The following SEMA3A variants were observed in gnomAD, a reference collection of about 807,000 sequenced individuals.
The protein encoded by SEMA3A is semaphorin-3A.
A neutral mutation model predicts 97.9 loss-of-function variants in SEMA3A; 29 were observed. That is an observed-to-expected ratio of 0.30 (90% CI 0.22 to 0.40). The LOEUF (loss-of-function observed/expected upper bound fraction) is 0.40, where lower values mean the gene tolerates loss of function less well. SEMA3A is among the 10% of genes least tolerant of loss of function. SEMA3A has a pLI of 1.00. For synonymous variants in SEMA3A, 321 were observed against 323.7 expected, an observed-to-expected ratio of 0.99 and a Z score of 0.09; for missense variants, 763 against 951.3, an observed-to-expected ratio of 0.80 and a Z score of 2.60.
chr7:84,203,526 A>ATATATATATATATATATATATTTTT (rs372380784), intron 3 of SEMA3A, among the ~76,000 whole-genome samples: 1 of 25,674 alleles, frequency 3.9e-5, no homozygotes, highest in Non-Finnish European at 7.1e-5. Context: ...ATATATATAT[A>ATATATATATATATATATATATTTTT]TTTTTTTTTT....
chr7:84,183,164 G>C (rs1584094884), intron 1 of SEMA3A, among the ~76,000 whole-genome samples: 1 of 152,084 alleles, frequency 6.6e-6, no homozygotes, highest in African/African-American at 2.4e-5. Context: ...GCTTCTGAGT[G>C]GTAGCTATTC....
chr7:84,198,810 C>T (rs1798294154), upstream of SEMA3A, among the ~76,000 whole-genome samples: 1 of 150,864 alleles, frequency 6.6e-6, no homozygotes, highest in Non-Finnish European at 1.5e-5. Context: ...GGAAAGAGTG[C>T]TAAAATTTTT....
intron 3 of SEMA3A, among the ~76,000 whole-genome samples, chr7:84,247,167 G>A (rs933683333): frequency 6.6e-6 from 1 of 152,052 alleles, no homozygotes; most frequent in Non-Finnish European, 1.5e-5. Context: ...AGACTTATCC[G>A]ATTTTTGTAA....
chr7:84,208,268 T>A (rs374173210), intron 3 of SEMA3A, among the ~76,000 whole-genome samples: 1 of 151,962 alleles, frequency 6.6e-6, no homozygotes, highest in Non-Finnish European at 1.5e-5. Flanking sequence ...CTGGCTAACA[T>A]GGTGAAACCC....
chr7:84,370,876 T>C (rs1802956520), intron 2 of SEMA3A, among the ~76,000 whole-genome samples: 1 of 151,196 alleles, frequency 6.6e-6, no homozygotes. Flanking sequence ...CCTAAGTTTT[T>C]CCATGCTAAC....
chr7:84,184,015 A>T (rs1797805405), intron 1 of SEMA3A, among the ~76,000 whole-genome samples: 1 of 152,130 alleles, frequency 6.6e-6, no homozygotes, highest in African/African-American at 2.4e-5. Context: ...CAATGTGCTG[A>T]TGTTTATATA....
intron 1 of SEMA3A, among the ~76,000 whole-genome samples, chr7:84,414,239 G>A (rs1456921489): frequency 2.6e-5 from 4 of 151,866 alleles, no homozygotes; most frequent in Non-Finnish European, 5.9e-5. Context: ...GAACATCTAT[G>A]CATATATCTT....
intron 4 of SEMA3A, among the ~76,000 whole-genome samples, chr7:84,105,121 AG>A (rs1795069683): frequency 1.3e-5 from 2 of 152,294 alleles, no homozygotes; most frequent in South Asian, 4.1e-4. Flanking sequence ...GTAAGATCTC[AG>A]AAAGACAATC....
chr7:84,404,269 C>T (rs1439940997), intron 1 of SEMA3A, among the ~76,000 whole-genome samples: 1 of 152,082 alleles, frequency 6.6e-6, no homozygotes, highest in East Asian at 1.9e-4. Flanking sequence ...GTAACCAATG[C>T]AATCAACTGG....
chr7:84,146,954 G>C, intron 1 of SEMA3A, among the ~76,000 whole-genome samples: 1 of 152,072 alleles, frequency 6.6e-6, no homozygotes, highest in East Asian at 1.9e-4. Context: ...AAAAAGAGGA[G>C]GCTTCTCTGT....
chr7:84,208,255 A>C (rs971332277), intron 3 of SEMA3A, among the ~76,000 whole-genome samples: 1 of 152,114 alleles, frequency 6.6e-6, no homozygotes, highest in Non-Finnish European at 1.5e-5. Flanking sequence ...GATCGAGACC[A>C]TCCTGGCTAA....
In SEMA3A at chr7:83,955,849, T is replaced by C. The variant is rs1212568619; in HGVS notation, c.*5522A>G. ...ATTTACAAAGAGAGAAGACGGAAGT[T>C]GAGCCTTCACATTACCTGAATTGTG... On this transcript the variant is annotated 3_prime_UTR_variant, in exon 17 of 17. Transcript: ENST00000265362. The C allele has an allele frequency of 6.6e-6, 1 of 152,182 alleles. No individual in the cohort carries two copies. The highest frequency in any genetic ancestry group is 1.5e-5 in the Non-Finnish European group (1 of 68,034). The allele number at this position is 152,182 out of a possible 1,614,324, so 9.4% of individuals were successfully genotyped here. A position where few individuals can be genotyped will look rare whatever the true frequency, so the allele number is the denominator to read the frequency against.
intron 2 of SEMA3A, among the ~76,000 whole-genome samples, chr7:84,325,920 C>T (rs1307573786): frequency 6.6e-6 from 1 of 152,028 alleles, no homozygotes; most frequent in African/African-American, 2.4e-5. Flanking sequence ...TTCCCCACCC[C>T]CAACACTAGT....
At position 84,360,002 on chromosome 7, in the gene SEMA3A, T is replaced by TA. The variant is rs1032804194; in HGVS notation, c.-169+11821dup. ...CGGTGATATCCCCTTTATCATTTTT[T>TA]ATTGTGTCTATTTGATTCTTCTCTC... On this transcript the variant is annotated intron_variant, in intron 2 of 3. Transcript: ENST00000424555. Among the ~76,000 whole-genome samples, 64 of 148,724 alleles carry TA rather than the reference T, an allele frequency of 4.3e-4. 1 individual carries two copies. The highest frequency in any genetic ancestry group is 1.5e-3 in the African/African-American group (59 of 39,792).
intron 12 of SEMA3A, among the ~76,000 whole-genome samples, chr7:83,985,951 G>A (rs993112672): frequency 1.3e-5 from 2 of 152,194 alleles, no homozygotes; most frequent in African/African-American, 2.4e-5. Flanking sequence ...TATGACTGGC[G>A]AAGAAGTAGC....
At chr7:84,367,304 A>G (rs980669087) in intron 2 of SEMA3A, among the ~76,000 whole-genome samples, 2 of 151,460 alleles carry the variant, frequency 1.3e-5, no homozygotes, top group African/African-American at 4.8e-5. Context: ...ACTTGATTTA[A>G]TTCAGGTTAT....
chr7:84,343,371 A>C (rs146484564), intron 2 of SEMA3A, among the ~76,000 whole-genome samples: 1 of 152,218 alleles, frequency 6.6e-6, no homozygotes, highest in African/African-American at 2.4e-5. Context: ...AATCCAATAC[A>C]ATTTTTAGAA....
chr7:84,276,956 T>G (rs1800312486), intron 3 of SEMA3A, among the ~76,000 whole-genome samples: 1 of 152,096 alleles, frequency 6.6e-6, no homozygotes, highest in Middle Eastern at 3.2e-3. Flanking sequence ...AAATGTAAAA[T>G]AATGTTTTGT....
chr7:84,188,204 C>T (rs556717431), intron 1 of SEMA3A, among the ~76,000 whole-genome samples: 1 of 151,950 alleles, frequency 6.6e-6, no homozygotes, highest in African/African-American at 2.4e-5. Context: ...TAAAAACTCC[C>T]AAGACCAAAC....
Sources: allele counts gnomAD v4.1 joint callset (sites outside exome capture counted in the v4.1 genomes callset), GRCh38; gene constraint gnomAD v4.1.1; transcripts MANE v1.5; gene names NCBI Gene and HGNC (gene_info 2026-07-23, HGNC 2026-07-21).